Variants in SLCO3A1 observed in about 807,000 individuals in gnomAD.
SLCO3A1 encodes the protein solute carrier organic anion transporter family member 3A1.
SLCO3A1 carries 27 observed loss-of-function variants against 63.1 expected under a neutral mutation model. The ratio of observed to expected loss-of-function variants is 0.43; its 90% CI spans 0.32 to 0.59. The LOEUF (loss-of-function observed/expected upper bound fraction) is 0.59, where lower values mean the gene tolerates loss of function less well. Ranked by LOEUF, SLCO3A1 falls within the 20% of genes least tolerant of loss-of-function variation. SLCO3A1 has a pLI of 0.09. For missense variants in SLCO3A1, 773 were observed against 945.8 expected (o/e 0.82, Z 2.40); for synonymous variants, 473 against 409.9 (o/e 1.15, Z -1.86).
At chr15:92,138,373 T>C (rs983393693) in intron 7 of SLCO3A1, among the ~76,000 whole-genome samples, 1 of 97,972 alleles carries the variant, frequency 1.0e-5, no homozygotes, top group African/African-American at 5.9e-5. Flanking sequence ...TTTTGGTTAC[T>C]GTAGCCTTGT....
In SLCO3A1 at chr15:91,886,872, C is replaced by G. The variant is rs756437068; in HGVS notation, c.181-29121C>G. ...CTTATATATTCTGTTTCTAGTCTTG[C>G]AATTTGTATATTATCATTCAGAACC... On this transcript the variant is annotated intron_variant, in intron 1 of 9. Transcript: ENST00000318445. The surrounding 1 kb of genome is among the most constrained non-coding windows in gnomAD (Gnocchi z 4.9). 1.1e-4 allele frequency among the ~76,000 whole-genome samples: 17 copies of G among 152,170 alleles called. No individual in the cohort carries two copies. Among genetic ancestry groups the G allele is most frequent in the Non-Finnish European group, 2.1e-4 (14 of 68,038 alleles).
intron 2 of SLCO3A1, among the ~76,000 whole-genome samples, chr15:92,030,261 A>G (rs1443919946): frequency 6.6e-6 from 1 of 152,154 alleles, no homozygotes; most frequent in Non-Finnish European, 1.5e-5. Context: ...TGGCCTTGAG[A>G]TTATGAATTG....
chr15:92,032,252 CAGGGGGAGAATG>C (rs1055303130), intron 2 of SLCO3A1, among the ~76,000 whole-genome samples: 2 of 152,056 alleles, frequency 1.3e-5, no homozygotes, highest in Non-Finnish European at 2.9e-5. Context: ...AGGCGTGTGG[CAGGGGGAGAATG>C]AGGGAGCAGT....
At chr15:91,960,849 A>T (rs1900418702) in intron 2 of SLCO3A1, among the ~76,000 whole-genome samples, 1 of 152,094 alleles carries the variant, frequency 6.6e-6, no homozygotes, top group South Asian at 2.1e-4. Context: ...AAAATCCAAA[A>T]TCTGAAATGT....
In SLCO3A1 at chr15:91,913,702, T is replaced by C. The variant is rs958008904; in HGVS notation, c.181-2291T>C. Reference sequence around the variant, plus strand: ...TACACGTATCTGGACACTGCAGAGGTTGTAGATGCATGGACGTTTACAACA... The same window carrying C: ...TACACGTATCTGGACACTGCAGAGGCTGTAGATGCATGGACGTTTACAACA... On this transcript the variant is annotated intron_variant, in intron 1 of 9. Coordinates refer to ENST00000318445, the MANE Select transcript of SLCO3A1 (RefSeq NM_013272.4). 3.3e-5 allele frequency among the ~76,000 whole-genome samples: 5 copies of C among 152,102 alleles called. No homozygotes were observed. In the East Asian group the frequency reaches 9.7e-4, roughly 29 times the overall value.
At chr15:91,998,325 A>G (rs1236474812) in intron 2 of SLCO3A1, among the ~76,000 whole-genome samples, 1 of 151,870 alleles carries the variant, frequency 6.6e-6, no homozygotes, top group Admixed American at 6.6e-5. Flanking sequence ...GTGGTGGCGC[A>G]CCCCTGTAAT....
At chr15:92,046,898 T>C (rs1283016549) in intron 2 of SLCO3A1, among the ~76,000 whole-genome samples, 1 of 143,760 alleles carries the variant, frequency 7.0e-6, no homozygotes, top group African/African-American at 2.6e-5. Context: ...TTCTAATTTC[T>C]GATTTCTAAT....
At chr15:92,078,593 A>T (rs562997075) in intron 2 of SLCO3A1, among the ~76,000 whole-genome samples, 1 of 152,254 alleles carries the variant, frequency 6.6e-6, no homozygotes, top group Admixed American at 6.5e-5. Flanking sequence ...GCCTTTGCCC[A>T]GGCTGTTCCT....
At chr15:92,160,859 A>C (rs1421708035) in intron 9 of SLCO3A1, among the ~76,000 whole-genome samples, 2 of 152,166 alleles carry the variant, frequency 1.3e-5, no homozygotes, top group Admixed American at 1.3e-4. Flanking sequence ...GAGGCCCCAC[A>C]GAATGGAGGT....
At chr15:91,866,805 C>T (rs1219178798) in intron 1 of SLCO3A1, among the ~76,000 whole-genome samples, 2 of 151,966 alleles carry the variant, frequency 1.3e-5, no homozygotes, top group African/African-American at 4.8e-5. Context: ...GCCAAGCCCT[C>T]TGGAAGCCTC....
In SLCO3A1 at chr15:91,950,184, G is replaced by A. The variant is rs1394083679; in HGVS notation, c.646+33726G>A. Among the ~76,000 whole-genome samples, 1 of 152,212 alleles carries A rather than the reference G, an allele frequency of 6.6e-6. No individual in the cohort carries two copies. Among genetic ancestry groups the A allele is most frequent in the African/African-American group, 2.4e-5 (1 of 41,444 alleles). ...GTTGTAACAGGCAGAGGAAGCAGCTGGAATGAGGTAGGGAGGCCTGATGGT... is the reference window on the plus strand; with the variant it reads ...GTTGTAACAGGCAGAGGAAGCAGCTAGAATGAGGTAGGGAGGCCTGATGGT... On this transcript the variant is annotated intron_variant, in intron 2 of 9. Transcript: ENST00000318445. This position sits in a 1 kb window ranked among gnomAD's most constrained non-coding sequence, Gnocchi z 4.4.
chr15:92,034,738 G>C (rs1388584710), intron 2 of SLCO3A1, among the ~76,000 whole-genome samples: 5 of 151,904 alleles, frequency 3.3e-5, no homozygotes, highest in Non-Finnish European at 5.9e-5. Context: ...TTTCACGCCT[G>C]GGAAGGCCTC....
At chr15:92,111,769 G>A (rs1318020046) in intron 4 of SLCO3A1, among the ~76,000 whole-genome samples, 4 of 152,284 alleles carry the variant, frequency 2.6e-5, no homozygotes, top group Admixed American at 6.5e-5. Flanking sequence ...CCTGGAGTGC[G>A]TGTTGAATGA....
In SLCO3A1 at chr15:92,151,031, T is replaced by C. The variant is rs760843791; in HGVS notation, c.1753+17T>C. 1.3e-6 allele frequency: 2 copies of C among 1,567,448 alleles called. No individual in the cohort carries two copies. The highest frequency in any genetic ancestry group is 2.3e-5 in the South Asian group (2 of 88,406). ...GTTTGTTGGGTATGTATTATCTCTT[T>C]ATTTCCTCAATAATGAATTGGATGC... On this transcript the variant is annotated intron_variant, in intron 9 of 9. Coordinates refer to ENST00000318445, the MANE Select transcript of SLCO3A1 (RefSeq NM_013272.4).
At chr15:92,010,387 C>T (rs967972738) in intron 2 of SLCO3A1, among the ~76,000 whole-genome samples, 1 of 152,172 alleles carries the variant, frequency 6.6e-6, no homozygotes, top group African/African-American at 2.4e-5. Context: ...ACAAAGAAAC[C>T]AGTTTAACTG....
chr15:92,064,741 G>A (rs1318077993), intron 2 of SLCO3A1, among the ~76,000 whole-genome samples: 1 of 152,182 alleles, frequency 6.6e-6, no homozygotes, highest in Non-Finnish European at 1.5e-5. Flanking sequence ...GGATAGAACT[G>A]GAAGACGTTA....
chr15:92,004,945 C>T (rs2046296913), intron 2 of SLCO3A1, among the ~76,000 whole-genome samples: 1 of 152,200 alleles, frequency 6.6e-6, no homozygotes, highest in African/African-American at 2.4e-5. Context: ...TCATCATTTC[C>T]TTATGGGGAT....
At chr15:91,947,482 CT>C (rs1203638233) in intron 2 of SLCO3A1, among the ~76,000 whole-genome samples, 6 of 152,232 alleles carry the variant, frequency 3.9e-5, no homozygotes, top group African/African-American at 1.2e-4. Flanking sequence ...CCTTTTTTCT[CT>C]GCTCTGGAGT....
rs779172773 is a variant in SLCO3A1 at position 91,941,681 on chromosome 15, T to TA, written c.646+25230dup. 5.2e-6 allele frequency: 2 copies of TA among 385,098 alleles called. No homozygotes were observed. Among genetic ancestry groups the TA allele is most frequent in the Non-Finnish European group, 1.0e-5 (2 of 196,470 alleles). 23.9% of individuals were successfully genotyped at this position (385,098 alleles called of 1,614,324 possible). ...CGGGATGTTTGTTTCTCTTTGTCTT[T>TA]AAAAAAATTATTTTTCCTCCTTTTT... On this transcript the variant is annotated intron_variant, in intron 2 of 9. Coordinates refer to ENST00000318445, the MANE Select transcript of SLCO3A1 (RefSeq NM_013272.4). The surrounding 1 kb of genome is among the most constrained non-coding windows in gnomAD (Gnocchi z 4.4).
Sources: gnomAD v4.1 joint callset for allele counts (sites outside exome capture counted in the v4.1 genomes callset) on GRCh38, gnomAD v4.1.1 for gene constraint, Gnocchi (gnomAD v3.1) non-coding constraint, MANE v1.5 for transcripts, NCBI Gene and HGNC (gene_info 2026-07-23, HGNC 2026-07-21) for gene names.